The following ERC2 variants were observed in gnomAD, a reference collection of about 807,000 sequenced individuals.
ERC2 encodes the protein ERC protein 2.
A neutral mutation model predicts 114.8 loss-of-function variants in ERC2; 42 were observed. The observed-to-expected ratio is 0.37, with a 90% CI of 0.29 to 0.47. The LOEUF (loss-of-function observed/expected upper bound fraction) is 0.47. Ranked by LOEUF, ERC2 falls within the 20% of genes least tolerant of loss-of-function variation. The pLI, the probability that ERC2 is intolerant of heterozygous loss-of-function variation, is 0.99. For synonymous variants in ERC2, 454 were observed against 425.5 expected (o/e 1.07, Z -0.82); for missense variants, 939 against 1,150.7 (o/e 0.82, Z 2.66).
At chr3:55,580,230 TA>T (rs748901767) in intron 17 of ERC2, among the ~76,000 whole-genome samples, 8 of 142,552 alleles carry the variant, frequency 5.6e-5, no homozygotes, top group Middle Eastern at 3.8e-3. Context: ...ATAGGAAGCA[TA>T]TTTTTTTTTT....
intron 6 of ERC2, among the ~76,000 whole-genome samples, chr3:56,115,246 T>C (rs542855087): frequency 7.2e-5 from 11 of 152,280 alleles, no homozygotes; most frequent in South Asian, 2.1e-4. Context: ...GATAAACCCA[T>C]TGGGCAGTTA....
intron 14 of ERC2, among the ~76,000 whole-genome samples, chr3:55,821,557 G>A (rs1196268329): frequency 6.6e-6 from 1 of 152,182 alleles, no homozygotes; most frequent in Non-Finnish European, 1.5e-5. Flanking sequence ...TCACAGTGAT[G>A]CACCCTAAAG....
At chr3:55,714,663 GTGTGTATATA>G (rs1174249650) in intron 15 of ERC2, among the ~76,000 whole-genome samples, 44 of 92,168 alleles carry the variant, frequency 4.8e-4, no homozygotes, top group South Asian at 1.1e-3. Context: ...GTGTGTGTGT[GTGTGTATATA>G]TATATATATA....
At chr3:55,787,366 G>A (rs2069598007) in intron 14 of ERC2, among the ~76,000 whole-genome samples, 1 of 152,092 alleles carries the variant, frequency 6.6e-6, no homozygotes, top group Non-Finnish European at 1.5e-5. Flanking sequence ...GTGGAAAGTT[G>A]TGATCCTGCC....
intron 15 of ERC2, 85 bp from the exon 16 acceptor site, chr3:55,699,597 A>G: frequency 5.7e-6 from 8 of 1,401,450 alleles, no homozygotes; most frequent in African/African-American, 1.4e-5. Context: ...CAGTACCTAT[A>G]GGGATCCCTT....
chr3:55,584,241 G>A (rs1316526929), intron 17 of ERC2, among the ~76,000 whole-genome samples: 1 of 152,156 alleles, frequency 6.6e-6, no homozygotes, highest in Admixed American at 6.5e-5. Flanking sequence ...CCCTTCTTGG[G>A]CAAGGTACTT....
chr3:56,019,152 T>C, intron 7 of ERC2, 121 bp from the exon 8 acceptor site: 2 of 760,338 alleles, frequency 2.6e-6, no homozygotes, highest in Non-Finnish European at 4.1e-6. Context: ...AAATTGTCAG[T>C]AGCTTTGACT....
At chr3:56,284,793 T>A (rs2054567960) in intron 3 of ERC2, among the ~76,000 whole-genome samples, 1 of 152,066 alleles carries the variant, frequency 6.6e-6, no homozygotes, top group African/African-American at 2.4e-5. Flanking sequence ...AGTCCCAATC[T>A]TCCCATGTGG....
intron 14 of ERC2, among the ~76,000 whole-genome samples, chr3:55,820,951 G>T (rs1012957926): frequency 7.2e-5 from 11 of 152,162 alleles, no homozygotes; most frequent in African/African-American, 2.7e-4. Flanking sequence ...TAACTTGAAG[G>T]TTTCCTTGGC....
chr3:55,516,854 A>C (rs2052547917), intron 17 of ERC2, among the ~76,000 whole-genome samples: 1 of 152,170 alleles, frequency 6.6e-6, no homozygotes, highest in South Asian at 2.1e-4. Context: ...GTTTTGCATT[A>C]ATTATCTGAA....
chr3:55,675,247 A>G (rs1334762614), intron 17 of ERC2, among the ~76,000 whole-genome samples: 5 of 152,226 alleles, frequency 3.3e-5, no homozygotes, highest in Non-Finnish European at 7.3e-5. Flanking sequence ...TCCCATCTCA[A>G]AGTCTCTGAC....
intron 17 of ERC2, 92 bp downstream of exon 17, chr3:55,683,702 C>T: frequency 1.9e-6 from 2 of 1,059,644 alleles, no homozygotes; most frequent in South Asian, 1.5e-5. Flanking sequence ...GGGCACAATT[C>T]ACAAACATCA....
intron 14 of ERC2, among the ~76,000 whole-genome samples, chr3:55,875,008 G>T (rs1370112686): frequency 2.6e-5 from 4 of 152,010 alleles, no homozygotes; most frequent in Non-Finnish European, 5.9e-5. Flanking sequence ...GCCTCTTACT[G>T]GCCCCAGACC....
At chr3:56,020,926 G>A (rs1423158105) in intron 7 of ERC2, among the ~76,000 whole-genome samples, 1 of 152,126 alleles carries the variant, frequency 6.6e-6, no homozygotes, top group East Asian at 1.9e-4. Flanking sequence ...GAGGGTCAGG[G>A]TCCTACTGGC....
intron 12 of ERC2, among the ~76,000 whole-genome samples, chr3:55,965,700 C>T (rs9870119): frequency 0.1 from 15,472 of 152,096 alleles, 1,099 homozygotes; most frequent in East Asian, 0.25. Flanking sequence ...TGGGGGGTTA[C>T]GGTAATTTAT....
chr3:56,328,266 T>C (rs961249681), intron 2 of ERC2, among the ~76,000 whole-genome samples: 2 of 152,178 alleles, frequency 1.3e-5, no homozygotes, highest in African/African-American at 4.8e-5. Flanking sequence ...CAAGACCTCA[T>C]AGGCTGGGTT....
At chr3:56,156,004 G>C (rs962042259) in intron 4 of ERC2, among the ~76,000 whole-genome samples, 1 of 152,092 alleles carries the variant, frequency 6.6e-6, no homozygotes, top group Non-Finnish European at 1.5e-5. Flanking sequence ...TTCTGAAAGC[G>C]AGTCATATAC....
At chr3:55,714,663 GTGTGTATATATATATA>G (rs1159831653) in intron 15 of ERC2, among the ~76,000 whole-genome samples, 167 of 92,156 alleles carry the variant, frequency 1.8e-3, no homozygotes, top group African/African-American at 3.6e-3. Context: ...GTGTGTGTGT[GTGTGTATATATATATA>G]TATATATATA....
At chr3:55,577,669 G>A (rs1213478291) in intron 17 of ERC2, among the ~76,000 whole-genome samples, 1 of 152,150 alleles carries the variant, frequency 6.6e-6, no homozygotes, top group East Asian at 1.9e-4. Context: ...ACCCCAAACA[G>A]ACCCCAGGCA....
Sources: allele counts gnomAD v4.1 joint callset (sites outside exome capture counted in the v4.1 genomes callset), GRCh38; gene constraint gnomAD v4.1.1; transcripts MANE v1.5; gene names NCBI Gene and HGNC (gene_info 2026-07-23, HGNC 2026-07-21).